NWD1: variants seen among roughly 807,000 people sequenced by gnomAD.
The protein encoded by NWD1 is NACHT and WD repeat domain containing 1.
A neutral mutation model predicts 135.1 loss-of-function variants in NWD1; 129 were observed. That is an observed-to-expected ratio of 0.96 (90% confidence interval 0.83 to 1.11). The LOEUF (loss-of-function observed/expected upper bound fraction) is 1.11. Among genes scored for constraint, NWD1 ranks in the 50% least tolerant of loss-of-function variants. NWD1 has a pLI of 0.00. For synonymous variants in NWD1, 773 were observed against 786.0 expected (o/e 0.98, Z 0.28); for missense variants, 1,740 against 1,851.3 (o/e 0.94, Z 1.10).
intron 5 of NWD1, among the ~76,000 whole-genome samples, chr19:16,747,916 G>A (rs975248291): frequency 2.0e-5 from 3 of 152,126 alleles, no homozygotes; most frequent in Non-Finnish European, 2.9e-5. Context: ...TTCAATGGCC[G>A]AATAGTATCC....
At chr19:16,743,061 C>T (rs528640490) in intron 4 of NWD1, among the ~76,000 whole-genome samples, 2 of 150,656 alleles carry the variant, frequency 1.3e-5, no homozygotes, top group African/African-American at 2.4e-5. Flanking sequence ...TACACCTGCA[C>T]GCCACCATGC....
chr19:16,720,703 C>A (rs148025609), intron 1 of NWD1, among the ~76,000 whole-genome samples: 1 of 151,590 alleles, frequency 6.6e-6, no homozygotes, highest in Admixed American at 6.6e-5. Context: ...TACAGGTGTC[C>A]GCCACATGCC....
At chr19:16,743,526 T>C (rs2122767710) in intron 4 of NWD1, among the ~76,000 whole-genome samples, 1 of 151,734 alleles carries the variant, frequency 6.6e-6, no homozygotes, top group East Asian at 2.0e-4. Context: ...AATTCTTTAT[T>C]GACCCTCGTG....
intron 6 of NWD1, among the ~76,000 whole-genome samples, chr19:16,756,631 C>CA (rs1968808714): frequency 1.3e-5 from 2 of 152,170 alleles, no homozygotes; most frequent in Non-Finnish European, 2.9e-5. Context: ...CCTATCTATA[C>CA]ATCTGCCTGT....
chr19:16,774,559 T>G (rs1969534002), intron 11 of NWD1, among the ~76,000 whole-genome samples: 1 of 151,554 alleles, frequency 6.6e-6, no homozygotes, highest in African/African-American at 2.4e-5. Context: ...CCATCCGTTA[T>G]TCATCGATTC....
rs1969472808 is a variant in NWD1 at position 16,773,136 on chromosome 19, C to T, written c.2421C>T (p.Leu807=). 4.3e-6 allele frequency: 7 copies of T among 1,613,770 alleles called. 1 individual carries two copies. Among genetic ancestry groups the T allele is most frequent in the African/African-American group, 4.0e-5 (3 of 74,928 alleles). Reference sequence around the variant, plus strand: ...ATCCCTTTGTTGCAGAGAGGAGCCTCCTGTACACAGAACTGCTGGCCAGAC... The same window carrying T: ...ATCCCTTTGTTGCAGAGAGGAGCCTTCTGTACACAGAACTGCTGGCCAGAC... The part of the protein sequence containing the change: ...AVELRGMERS[L]LYTELLARLH... The change falls in exon 11 of 19, where the codon CTC becomes CTT. Residue 807 remains leucine, a synonymous_variant. Transcript: ENST00000524140.
chr19:16,810,810 A>C (rs1481148566), intron 18 of NWD1, among the ~76,000 whole-genome samples: 1 of 152,148 alleles, frequency 6.6e-6, no homozygotes, highest in African/African-American at 2.4e-5. Flanking sequence ...TAACATGTGA[A>C]CAGTACTATT....
intron 2 of NWD1, 82 bp from the exon 3 acceptor site, chr19:16,731,110 T>C (rs898002571): frequency 2.8e-6 from 2 of 712,568 alleles, no homozygotes; most frequent in African/African-American, 1.8e-5. Flanking sequence ...CAAAAGTAAA[T>C]CAATAAAATA....
rs1047330794 is a variant in NWD1, at chr19:16,776,791, A to T, written c.2609-2552A>T. Among the ~76,000 whole-genome samples the T allele has an allele frequency of 3.2e-3, 475 of 148,672 alleles. 3 individuals carry two copies. The highest frequency in any genetic ancestry group is 5.9e-3 in the Non-Finnish European group (394 of 67,088). On this transcript the variant is annotated intron_variant, in intron 11 of 18. Coordinates refer to ENST00000524140, the MANE Select transcript of NWD1 (RefSeq NM_001007525.5). ...AAAAAGTTAAAAAAAAAAAAAAAAA[A>T]AAAAGCTGGTCATGGTGGTATGTGC...
intron 4 of NWD1, among the ~76,000 whole-genome samples, chr19:16,742,881 CTATTATTAT>C (rs34646876): frequency 0.015 from 2,050 of 132,932 alleles, 24 homozygotes; most frequent in Middle Eastern, 0.047. Context: ...ACTATGTTGC[CTATTATTAT>C]TATTATTATT....
chr19:16,766,187 C>T (rs188823266), intron 10 of NWD1, among the ~76,000 whole-genome samples: 181 of 152,160 alleles, frequency 1.2e-3, no homozygotes, highest in African/African-American at 4.2e-3. Flanking sequence ...TACAAAACTT[C>T]AGGTTCAGAG....
intron 2 of NWD1, among the ~76,000 whole-genome samples, chr19:16,729,150 T>G (rs896069369): frequency 3.3e-5 from 5 of 151,892 alleles, no homozygotes; most frequent in Admixed American, 2.6e-4. Flanking sequence ...CCCAACTTGA[T>G]AGAGTTGCTG....
At chr19:16,793,544 T>A (rs916077648) in intron 14 of NWD1, among the ~76,000 whole-genome samples, 15 of 148,376 alleles carry the variant, frequency 1.0e-4, no homozygotes, top group Non-Finnish European at 1.9e-4. Context: ...TTTTTTACCT[T>A]TTTTTTTTAA....
At chr19:16,760,174 T>C (rs1165346326) in intron 7 of NWD1, among the ~76,000 whole-genome samples, 2 of 139,240 alleles carry the variant, frequency 1.4e-5, no homozygotes, top group Non-Finnish European at 2.9e-5. Context: ...TAAACTAGAC[T>C]AAACTAAACT....
chr19:16,794,980 C>T (rs547933723), intron 15 of NWD1, among the ~76,000 whole-genome samples: 14 of 152,304 alleles, frequency 9.2e-5, no homozygotes, highest in Admixed American at 5.2e-4. Flanking sequence ...CGGAGTTTCA[C>T]CATGTTGGCC....
chr19:16,757,545 G>A (rs1025544529), intron 6 of NWD1, among the ~76,000 whole-genome samples: 3 of 152,114 alleles, frequency 2.0e-5, no homozygotes, highest in African/African-American at 2.4e-5. Flanking sequence ...CCTCACCAAG[G>A]TCTCCCAGCT....
At chr19:16,777,111 A>G (rs563106520) in intron 11 of NWD1, among the ~76,000 whole-genome samples, 1 of 7,608 alleles carries the variant, frequency 1.3e-4, no homozygotes. Context: ...AAAGGGGAAG[A>G]AAGGGAAGGG....
intron 10 of NWD1, among the ~76,000 whole-genome samples, chr19:16,767,289 G>A (rs1366279709): frequency 1.1e-4 from 16 of 148,990 alleles, no homozygotes; most frequent in Non-Finnish European, 4.4e-5. Context: ...ATGCATGGCA[G>A]CAGGCGAGAG....
intron 14 of NWD1, among the ~76,000 whole-genome samples, chr19:16,794,252 G>T (rs1175147698): frequency 6.6e-6 from 1 of 152,170 alleles, no homozygotes; most frequent in African/African-American, 2.4e-5. Context: ...TGTAATCCCA[G>T]CTACTTGGGA....
Sources: allele counts gnomAD v4.1 joint callset (sites outside exome capture counted in the v4.1 genomes callset), GRCh38; gene constraint gnomAD v4.1.1; transcripts MANE v1.5; gene names NCBI Gene and HGNC (gene_info 2026-07-23, HGNC 2026-07-21).